The following RBFOX1 variants were observed in gnomAD, a reference collection of about 807,000 sequenced individuals.
RBFOX1 encodes the protein RNA binding protein fox-1 homolog 1.
Under a neutral mutation model 57.7 loss-of-function variants are expected in RBFOX1, and 8 were observed. The ratio of observed to expected loss-of-function variants is 0.14; its 90% CI spans 0.08 to 0.25. The LOEUF is 0.25. RBFOX1 is among the 10% of genes least tolerant of loss of function. The pLI, the probability that RBFOX1 is intolerant of heterozygous loss-of-function variation, is 1.00. For missense variants in RBFOX1, 611 were observed against 548.5 expected, an observed-to-expected ratio of 1.11 and a Z score of -1.14; for synonymous variants, 326 against 222.4, an observed-to-expected ratio of 1.47 and a Z score of -4.15.
rs184629493 is a variant in RBFOX1, at chr16:6,532,355, A to G, written c.-63-122248A>G. On this transcript the variant is annotated intron_variant, in intron 2 of 15. Coordinates refer to ENST00000550418, the MANE Select transcript of RBFOX1 (RefSeq NM_018723.4). ...CTTTTCATAGAGAAGGTCGATTTCT[A>G]TCCTCTTGCCTGGAGGGTTTCAGAG... 1.9e-4 allele frequency among the ~76,000 whole-genome samples: 29 copies of G among 152,220 alleles called. No homozygotes were observed. In the East Asian group the frequency reaches 4.1e-3, roughly 21 times the overall value.
intron 4 of RBFOX1, among the ~76,000 whole-genome samples, chr16:7,498,495 C>T (rs547047745): frequency 5.9e-5 from 9 of 151,822 alleles, no homozygotes; most frequent in South Asian, 4.2e-4. Context: ...AAACAAAATG[C>T]GTGATTTTAA....
At chr16:7,423,757 G>C (rs978940041) in intron 4 of RBFOX1, among the ~76,000 whole-genome samples, 2 of 152,108 alleles carry the variant, frequency 1.3e-5, no homozygotes, top group Non-Finnish European at 2.9e-5. Context: ...CCTCTGTTCT[G>C]TGTCTCTCCT....
At chr16:5,391,432 G>A (rs947685937) in intron 1 of RBFOX1, among the ~76,000 whole-genome samples, 1 of 152,066 alleles carries the variant, frequency 6.6e-6, no homozygotes, top group African/African-American at 2.4e-5. Context: ...AGCCAGGAAG[G>A]GTTAAATCCT....
chr16:7,300,460 T>G (rs1027472901), intron 4 of RBFOX1, among the ~76,000 whole-genome samples: 2 of 152,240 alleles, frequency 1.3e-5, no homozygotes, highest in Non-Finnish European at 2.9e-5. Flanking sequence ...GTCGTCCACA[T>G]TAAATTTGGA....
At chr16:7,051,279 T>C (rs577367496) in intron 3 of RBFOX1, among the ~76,000 whole-genome samples, 1 of 152,342 alleles carries the variant, frequency 6.6e-6, no homozygotes, top group Admixed American at 6.5e-5. Flanking sequence ...TTTTTATTTG[T>C]GTCCTTAGCA....
intron 1 of RBFOX1, among the ~76,000 whole-genome samples, chr16:6,087,977 C>G (rs564493045): frequency 6.6e-6 from 1 of 152,214 alleles, no homozygotes; most frequent in East Asian, 1.9e-4. Flanking sequence ...ATAAAAACTC[C>G]TGCGTGTGTG....
chr16:7,190,128 A>T (rs2085007149), intron 4 of RBFOX1, among the ~76,000 whole-genome samples: 1 of 152,220 alleles, frequency 6.6e-6, no homozygotes, highest in Non-Finnish European at 1.5e-5. Flanking sequence ...TGGGAGGCCA[A>T]GGCGGGCAGA....
intron 3 of RBFOX1, among the ~76,000 whole-genome samples, chr16:7,019,339 T>C (rs940270649): frequency 6.6e-6 from 1 of 152,160 alleles, no homozygotes. Context: ...ATAAAATGAA[T>C]TCTTTGGAGT....
chr16:7,367,610 G>A (rs956669719), intron 4 of RBFOX1, among the ~76,000 whole-genome samples: 3 of 152,180 alleles, frequency 2.0e-5, no homozygotes, highest in Admixed American at 2.0e-4. Flanking sequence ...TCCAGACTCT[G>A]ATGCTCACAA....
chr16:6,980,646 T>G (rs139716463), intron 3 of RBFOX1, among the ~76,000 whole-genome samples: 1 of 152,268 alleles, frequency 6.6e-6, no homozygotes, highest in East Asian at 1.9e-4. Flanking sequence ...GTGTTGGTAT[T>G]TCTCAAGGAA....
At chr16:5,999,527 C>T (rs1009155145) in intron 4 of RBFOX1, among the ~76,000 whole-genome samples, 4 of 152,060 alleles carry the variant, frequency 2.6e-5, no homozygotes, top group African/African-American at 7.2e-5. Context: ...AGAGGTGTAA[C>T]GCCAGGGCAG....
rs1159552568 is a variant in RBFOX1, at chr16:7,219,690, C to A, written c.27+167592C>A. On this transcript the variant is annotated intron_variant, in intron 4 of 15. Coordinates refer to ENST00000550418, the MANE Select transcript of RBFOX1 (RefSeq NM_018723.4). The stretch of plus-strand genomic sequence containing the variant: ...CTCCTCTGCCGTATAGATCCCTGCT[C>A]TGAGTACACCCTGGAAACAGGAAGC... Among the ~76,000 whole-genome samples the A allele has an allele frequency of 2.6e-5, 4 of 152,134 alleles. No homozygotes were observed. The East Asian group carries it at 7.7e-4, about 29-fold the overall frequency.
chr16:5,536,725 G>A (rs1330347204), intron 2 of RBFOX1, among the ~76,000 whole-genome samples: 4 of 152,030 alleles, frequency 2.6e-5, no homozygotes, highest in Non-Finnish European at 5.9e-5. Context: ...GAAGAGAAAT[G>A]GGTCAACAGG....
intron 4 of RBFOX1, among the ~76,000 whole-genome samples, chr16:5,956,867 C>T (rs1156436949): frequency 4.0e-4 from 60 of 148,338 alleles, no homozygotes; most frequent in Middle Eastern, 3.5e-3. Context: ...GATGGGGTTT[C>T]GCCATTTTGG....
At chr16:6,898,746 C>G (rs1201769475) in intron 3 of RBFOX1, among the ~76,000 whole-genome samples, 2 of 151,496 alleles carry the variant, frequency 1.3e-5, no homozygotes, top group East Asian at 1.9e-4. Flanking sequence ...GTGTATGTGT[C>G]CATATATATA....
intron 2 of RBFOX1, among the ~76,000 whole-genome samples, chr16:6,594,439 G>A (rs1214146352): frequency 6.6e-6 from 1 of 152,140 alleles, no homozygotes; most frequent in African/African-American, 2.4e-5. Context: ...AGGTGGTGGG[G>A]GGGTCTGTGG....
chr16:5,365,430 G>A (rs1183714136), intron 1 of RBFOX1, among the ~76,000 whole-genome samples: 1 of 152,212 alleles, frequency 6.6e-6, no homozygotes, highest in African/African-American at 2.4e-5. Context: ...CACTTTGGGA[G>A]GCCAAGGTGG....
At chr16:6,774,551 G>A (rs566862486) in intron 3 of RBFOX1, among the ~76,000 whole-genome samples, 2 of 152,222 alleles carry the variant, frequency 1.3e-5, no homozygotes, top group East Asian at 3.9e-4. Flanking sequence ...TTTAAGGGAA[G>A]AAGCAGCTAA....
chr16:6,206,423 T>C (rs1381338382), intron 1 of RBFOX1, among the ~76,000 whole-genome samples: 1 of 152,186 alleles, frequency 6.6e-6, no homozygotes, highest in East Asian at 1.9e-4. Context: ...TGCTTCCTTC[T>C]CAATTCTTGC....
Sources: allele counts gnomAD v4.1 joint callset (sites outside exome capture counted in the v4.1 genomes callset), GRCh38; gene constraint gnomAD v4.1.1; transcripts MANE v1.5; gene names NCBI Gene and HGNC (gene_info 2026-07-23, HGNC 2026-07-21).